The following FAM13A variants were observed in gnomAD, a reference collection of about 807,000 sequenced individuals.
The protein encoded by FAM13A is family with sequence similarity 13 member A.
In FAM13A, 76 loss-of-function variants were observed where a neutral mutation model predicts 129.6. The ratio of observed to expected loss-of-function variants is 0.59; its 90% confidence interval spans 0.49 to 0.71. FAM13A has a LOEUF of 0.71. Among genes scored for constraint, FAM13A ranks in the 30% least tolerant of loss-of-function variants. FAM13A has a pLI of 0.00. For synonymous variants in FAM13A, 443 were observed against 449.9 expected (o/e 0.98, Z 0.20); for missense variants, 1,108 against 1,249.3 (o/e 0.89, Z 1.70).
rs1464071347 is a variant in FAM13A, at chr4:89,029,546, C to CT, written c.130dup (p.Ser44LysfsTer6). 6.3e-7 allele frequency: 1 copy of CT among 1,596,694 alleles called. No homozygotes were observed. The highest frequency in any genetic ancestry group is 1.9e-5 in the Admixed American group (1 of 54,036). ...CCCCTGCCGTTCAAGTTCTTGGAGA[C>CT]TGACTCCAAATAACTTCTGATAGGT... On this transcript the variant is annotated frameshift_variant, in exon 2 of 24. Transcript: ENST00000264344. LOFTEE classifies it high-confidence loss of function.
intron 16 of FAM13A, 86 bp downstream of exon 16, chr4:88,749,685 C>G: frequency 2.8e-6 from 4 of 1,428,508 alleles, no homozygotes; most frequent in Non-Finnish European, 3.9e-6. Context: ...CCTCCCTTAA[C>G]CTTTCGTCGT....
At position 88,767,922 on chromosome 4, in the gene FAM13A, T is replaced by G; in HGVS notation, c.1535+61A>C. 3 of 981,874 alleles carry G rather than the reference T, an allele frequency of 3.1e-6. No individual in the cohort carries two copies. The South Asian group carries it at 3.9e-5, about 13-fold the overall frequency. 60.8% of individuals were successfully genotyped at this position (981,874 alleles called of 1,614,324 possible). A position where few individuals can be genotyped will look rare whatever the true frequency, so the allele number is the denominator to read the frequency against. ...TTAGTTCTTATAATTCACATTGCAT[T>G]ACATGAAAATAACCTTTTCCTGCCC... On this transcript the variant is annotated intron_variant, in intron 12 of 23. Coordinates refer to ENST00000264344, the MANE Select transcript of FAM13A (RefSeq NM_014883.4).
chr4:88,919,131 T>C (rs1389437366), intron 5 of FAM13A, among the ~76,000 whole-genome samples: 1 of 152,222 alleles, frequency 6.6e-6, no homozygotes, highest in Admixed American at 6.5e-5. Context: ...TTAACTAAAT[T>C]ATATAAGTAC....
intron 6 of FAM13A, among the ~76,000 whole-genome samples, chr4:88,881,006 A>G (rs1225342366): frequency 6.6e-6 from 1 of 152,246 alleles, no homozygotes; most frequent in African/African-American, 2.4e-5. Context: ...GTCTGAGCCT[A>G]ACCCTGCCCC....
intron 6 of FAM13A, among the ~76,000 whole-genome samples, chr4:88,878,903 C>G (rs1446659743): frequency 6.6e-6 from 1 of 152,212 alleles, no homozygotes; most frequent in Non-Finnish European, 1.5e-5. Flanking sequence ...CAGCAATATC[C>G]ACATTGTAGG....
In FAM13A at chr4:88,750,630, G is replaced by A. The variant is rs138306073; in HGVS notation, c.1734C>T (p.Ile578=). 1.0e-5 allele frequency: 16 copies of A among 1,607,572 alleles called. No homozygotes were observed. The highest frequency in any genetic ancestry group is 1.4e-5 in the Non-Finnish European group (16 of 1,179,246). The change falls in exon 15 of 24, where the codon ATC becomes ATT. Residue 578 remains isoleucine (I), a synonymous_variant. Coordinates refer to ENST00000264344, the MANE Select transcript of FAM13A (RefSeq NM_014883.4). The part of the protein sequence containing the change: ...LCDEKNWEEP[I]PAFSSWQREN... ...CCCGCTGCCAGGAGGAGAAAGCAGG[G>A]ATAGGCTCTGGAAGATAAGGGCAGT...
intron 6 of FAM13A, among the ~76,000 whole-genome samples, chr4:88,865,061 G>C (rs1740149282): frequency 6.6e-6 from 1 of 152,092 alleles, no homozygotes; most frequent in South Asian, 2.1e-4. Context: ...GATTCCTTGG[G>C]ACATATTTAC....
intron 3 of FAM13A, among the ~76,000 whole-genome samples, chr4:89,011,240 T>C (rs914081833): frequency 2.6e-5 from 4 of 152,192 alleles, no homozygotes; most frequent in African/African-American, 9.7e-5. Flanking sequence ...CATGATGAGT[T>C]TCTTTTTGGA....
chr4:88,913,674 G>A (rs1459282670), intron 5 of FAM13A, among the ~76,000 whole-genome samples: 1 of 152,216 alleles, frequency 6.6e-6, no homozygotes, highest in East Asian at 1.9e-4. Context: ...CAATAAATGT[G>A]TGTTGAATAA....
chr4:88,985,684 C>T (rs1437270199), intron 4 of FAM13A, among the ~76,000 whole-genome samples: 1 of 152,062 alleles, frequency 6.6e-6, no homozygotes, highest in South Asian at 2.1e-4. Context: ...ACCCAAAAAT[C>T]TCATATTTAG....
chr4:88,788,001 C>T, intron 9 of FAM13A, 69 bp from the exon 10 acceptor site: 1 of 1,323,450 alleles, frequency 7.6e-7, no homozygotes, highest in Non-Finnish European at 1.0e-6. Flanking sequence ...AAAATCTGTG[C>T]CTACAGTTTT....
In FAM13A at chr4:88,871,940, G is replaced by A. The variant is rs568402720; in HGVS notation, c.844-20757C>T. 3.4e-4 allele frequency among the ~76,000 whole-genome samples: 52 copies of A among 152,304 alleles called. No homozygotes were observed. In the East Asian group the frequency reaches 7.9e-3, roughly 23 times the overall value. On this transcript the variant is annotated intron_variant, in intron 6 of 23. Coordinates refer to ENST00000264344, the MANE Select transcript of FAM13A (RefSeq NM_014883.4). ...AAGGGAAGCCCATCAGACTAACAGC[G>A]GATCTCTCGGCAGAAACTCTACAAG...
intron 6 of FAM13A, among the ~76,000 whole-genome samples, chr4:88,854,336 C>T (rs551965426): frequency 6.6e-6 from 1 of 152,280 alleles, no homozygotes; most frequent in African/African-American, 2.4e-5. Context: ...GTCAGGGACT[C>T]CAAATCGCGC....
intron 6 of FAM13A, among the ~76,000 whole-genome samples, chr4:88,893,430 T>C (rs549834798): frequency 1.8e-4 from 27 of 152,282 alleles, no homozygotes; most frequent in African/African-American, 3.8e-4. Flanking sequence ...TGAGACCATC[T>C]TGGCTAACAC....
At chr4:88,841,786 G>A (rs1049105426) in intron 7 of FAM13A, among the ~76,000 whole-genome samples, 1 of 152,162 alleles carries the variant, frequency 6.6e-6, no homozygotes, top group African/African-American at 2.4e-5. Context: ...AAGATGTAGT[G>A]AAACTGGAAC....
At chr4:88,928,004 A>G (rs1209196645) in intron 5 of FAM13A, among the ~76,000 whole-genome samples, 26 of 151,936 alleles carry the variant, frequency 1.7e-4, no homozygotes, top group Admixed American at 1.7e-3. Context: ...TCTTAACACT[A>G]TTTTTGCTGT....
intron 14 of FAM13A, among the ~76,000 whole-genome samples, chr4:88,752,236 G>T (rs967339169): frequency 6.6e-6 from 1 of 152,130 alleles, no homozygotes; most frequent in African/African-American, 2.4e-5. Flanking sequence ...GAGAACGATT[G>T]ATCCAACCCA....
chr4:88,995,905 C>T (rs1365589556), intron 3 of FAM13A, among the ~76,000 whole-genome samples: 4 of 152,142 alleles, frequency 2.6e-5, no homozygotes, highest in African/African-American at 9.7e-5. Context: ...TGGTAACATA[C>T]ATGCTATGAA....
intron 6 of FAM13A, among the ~76,000 whole-genome samples, chr4:88,869,150 C>T (rs1271186917): frequency 2.0e-5 from 3 of 152,176 alleles, no homozygotes; most frequent in Admixed American, 1.3e-4. Context: ...TCATCCATTC[C>T]AGCCTTTCAT....
Sources: gnomAD v4.1 joint callset for allele counts (sites outside exome capture counted in the v4.1 genomes callset) on GRCh38, gnomAD v4.1.1 for gene constraint, MANE v1.5 for transcripts, NCBI Gene and HGNC (gene_info 2026-07-23, HGNC 2026-07-21) for gene names.